TTC21B: variants seen among roughly 807,000 people sequenced by gnomAD.
TTC21B encodes tetratricopeptide repeat domain 21B, also known as tetratricopeptide repeat protein 21B.
A neutral mutation model predicts 175.1 loss-of-function variants in TTC21B; 127 were observed. The ratio of observed to expected loss-of-function variants is 0.73; its 90% CI spans 0.63 to 0.84. The LOEUF is 0.84. TTC21B is among the 40% of genes least tolerant of loss of function. The pLI, the probability that TTC21B is intolerant of heterozygous loss-of-function variation, is 0.00. For synonymous variants in TTC21B, 524 were observed against 524.5 expected, an observed-to-expected ratio of 1.00 and a Z score of 0.01; for missense variants, 1,561 against 1,558.3, an observed-to-expected ratio of 1.00 and a Z score of -0.03.
At chr2:165,933,113 C>G (rs1686974965) in intron 6 of TTC21B, 56 bp from the exon 7 acceptor site, 1 of 1,530,212 alleles carries the variant, frequency 6.5e-7, no homozygotes, top group Admixed American at 1.7e-5. Context: ...TTCTTTTATT[C>G]GAGGGCATGA....
chr2:165,921,894 T>C (rs918378109), intron 12 of TTC21B, among the ~76,000 whole-genome samples: 3 of 151,786 alleles, frequency 2.0e-5, no homozygotes, highest in Non-Finnish European at 2.9e-5. Flanking sequence ...AGTTATTTAG[T>C]GGTGATTTCT....
At chr2:165,903,586 G>A (rs1275063629) in intron 19 of TTC21B, among the ~76,000 whole-genome samples, 2 of 152,142 alleles carry the variant, frequency 1.3e-5, no homozygotes, top group South Asian at 2.1e-4. Context: ...CTTCAGGACC[G>A]TAAGCAAGAA....
At position 165,891,785 on chromosome 2, in the gene TTC21B, T is replaced by C. The variant is rs565753098; in HGVS notation, c.2951-797A>G. ...CACTACAGAAAATAAGGAAAATATA[T>C]ATAAAAAGTATGAAGAAAAAAAAAA... On this transcript the variant is annotated intron_variant, in intron 22 of 28. Coordinates refer to ENST00000243344, the MANE Select transcript of TTC21B (RefSeq NM_024753.5). 1.0e-3 allele frequency among the ~76,000 whole-genome samples: 70 copies of C among 70,170 alleles called. 1 individual carries two copies. In the Admixed American group the frequency reaches 0.011, roughly 11 times the overall value. The allele number at this position is 70,170 out of a possible 152,430, so 46.0% of individuals were successfully genotyped here.
chr2:165,934,551 G>C (rs534775678), intron 6 of TTC21B, among the ~76,000 whole-genome samples: 346 of 143,254 alleles, frequency 2.4e-3, no homozygotes, highest in Non-Finnish European at 3.8e-3. Flanking sequence ...TGGAGAACTT[G>C]TGATAAAAAT....
At chr2:165,916,387 G>A (rs1272065287) in intron 14 of TTC21B, among the ~76,000 whole-genome samples, 6 of 152,002 alleles carry the variant, frequency 3.9e-5, no homozygotes, top group African/African-American at 1.2e-4. Flanking sequence ...CTAAAACAAC[G>A]GATACAAATG....
chr2:165,884,435 AG>A (rs1019631457), intron 25 of TTC21B, among the ~76,000 whole-genome samples: 2 of 152,232 alleles, frequency 1.3e-5, no homozygotes, highest in African/African-American at 4.8e-5. Flanking sequence ...CACCTGTCAA[AG>A]ACGAGTAACA....
chr2:165,914,698 T>TACGTGCGCGCGCGCGCGCG (rs71031214), intron 15 of TTC21B, among the ~76,000 whole-genome samples: 1 of 132,376 alleles, frequency 7.6e-6, no homozygotes, highest in Non-Finnish European at 1.6e-5. Flanking sequence ...TGTGTGTGTG[T>TACGTGCGCGCGCGCGCGCG]TGTGTATCCC....
At chr2:165,911,974 C>T (rs1685965151) in intron 17 of TTC21B, among the ~76,000 whole-genome samples, 1 of 151,978 alleles carries the variant, frequency 6.6e-6, no homozygotes, top group Non-Finnish European at 1.5e-5. Context: ...CAACAACTAA[C>T]ATTTCTTATG....
intron 22 of TTC21B, among the ~76,000 whole-genome samples, chr2:165,897,845 G>C (rs1216985668): frequency 2.6e-5 from 4 of 152,204 alleles, no homozygotes; most frequent in African/African-American, 9.7e-5. Context: ...TAGGATCTCA[G>C]AGACAAATGA....
At chr2:165,952,370 A>C (rs1317486327) in intron 1 of TTC21B, among the ~76,000 whole-genome samples, 1 of 148,826 alleles carries the variant, frequency 6.7e-6, no homozygotes, top group African/African-American at 2.5e-5. Flanking sequence ...TGAACAAGCC[A>C]ATTAGATGTG....
intron 22 of TTC21B, 82 bp from the exon 23 acceptor site, chr2:165,891,070 T>G: frequency 8.4e-7 from 1 of 1,190,220 alleles, no homozygotes; most frequent in Non-Finnish European, 1.2e-6. Flanking sequence ...CATTAGAGTA[T>G]AATTTACTTC....
intron 18 of TTC21B, among the ~76,000 whole-genome samples, chr2:165,910,430 A>G (rs2105317081): frequency 6.6e-6 from 1 of 152,080 alleles, no homozygotes; most frequent in East Asian, 1.9e-4. Context: ...AAAAAAGTAA[A>G]TTTTTACAAA....
At chr2:165,916,929 T>C (rs1686195780) in intron 14 of TTC21B, among the ~76,000 whole-genome samples, 1 of 152,108 alleles carries the variant, frequency 6.6e-6, no homozygotes, top group Non-Finnish European at 1.5e-5. Context: ...CAGGCTGGAG[T>C]GCAGTGGCAT....
Position 165,929,339 on chromosome 2 carries a change from G to A in TTC21B, c.1186-4C>T, listed in dbSNP as rs1271467984. ...CTGCATGTAAATAGATTAATTCCTA[G>A]AAAATAAGTAGTTTTCATAAATTAT... On this transcript the variant is annotated splice_polypyrimidine_tract_variant and splice_region_variant and intron_variant, in intron 10 of 28. Coordinates refer to ENST00000243344, the MANE Select transcript of TTC21B (RefSeq NM_024753.5). 5 of 1,594,610 alleles carry A rather than the reference G, an allele frequency of 3.1e-6. No individual in the cohort carries two copies. The highest frequency in any genetic ancestry group is 1.7e-5 in the Admixed American group (1 of 59,550).
chr2:165,912,223 T>G (rs1333374695), intron 17 of TTC21B, among the ~76,000 whole-genome samples: 1 of 152,182 alleles, frequency 6.6e-6, no homozygotes, highest in Non-Finnish European at 1.5e-5. Context: ...TTATCATGTT[T>G]TGTTACACAA....
At chr2:165,938,695 G>C (rs1280596104) in intron 6 of TTC21B, among the ~76,000 whole-genome samples, 1 of 151,876 alleles carries the variant, frequency 6.6e-6, no homozygotes, top group African/African-American at 2.4e-5. Context: ...AAAGAGAAGG[G>C]AAACAGGGAA....
chr2:165,893,898 T>C (rs556141671), intron 22 of TTC21B, among the ~76,000 whole-genome samples: 3 of 152,078 alleles, frequency 2.0e-5, no homozygotes, highest in South Asian at 4.1e-4. Flanking sequence ...GGAAGAAGGA[T>C]AAGAAATATA....
intron 21 of TTC21B, 52 bp downstream of exon 21, chr2:165,899,718 A>T: frequency 1.6e-6 from 2 of 1,258,622 alleles, no homozygotes; most frequent in Non-Finnish European, 2.3e-6. Context: ...GGTAAAATTT[A>T]AAACTTATAA....
At chr2:165,911,550 G>A (rs1685934683) in intron 17 of TTC21B, 85 bp from the exon 18 acceptor site, 4 of 1,505,264 alleles carry the variant, frequency 2.7e-6, no homozygotes, top group Non-Finnish European at 3.7e-6. Context: ...CAGACTTAAA[G>A]CATTGGTATA....
Sources: gnomAD v4.1 joint callset for allele counts (sites outside exome capture counted in the v4.1 genomes callset) on GRCh38, gnomAD v4.1.1 for gene constraint, MANE v1.5 for transcripts, NCBI Gene and HGNC (gene_info 2026-07-23, HGNC 2026-07-21) for gene names.